The following VIRMA variants were observed in gnomAD, a reference collection of about 807,000 sequenced individuals.
VIRMA encodes the protein protein virilizer homolog.
In VIRMA, 65 loss-of-function variants were observed where a neutral mutation model predicts 182.4. That is an observed-to-expected ratio of 0.36 (90% CI 0.29 to 0.44). The LOEUF (loss-of-function observed/expected upper bound fraction) is 0.44. Ranked by LOEUF, VIRMA falls within the 20% of genes least tolerant of loss-of-function variation. The pLI is 1.00. For missense variants in VIRMA, 1,752 were observed against 2,158.1 expected (o/e 0.81, Z 3.73); for synonymous variants, 709 against 743.1 (o/e 0.95, Z 0.75).
At chr8:94,508,802 T>C (rs1369940126) in intron 15 of VIRMA, among the ~76,000 whole-genome samples, 2 of 151,926 alleles carry the variant, frequency 1.3e-5, no homozygotes, top group African/African-American at 2.4e-5. Flanking sequence ...GACTCTATTC[T>C]GCCTGAAAAA....
intron 9 of VIRMA, 50 bp from the exon 10 acceptor site, chr8:94,517,992 G>C: frequency 6.7e-7 from 1 of 1,483,642 alleles, no homozygotes; most frequent in Non-Finnish European, 9.2e-7. Flanking sequence ...CAATTTTTTA[G>C]GAACAATTTT....
chr8:94,543,092 G>A (rs1815620765), intron 2 of VIRMA, among the ~76,000 whole-genome samples: 1 of 151,942 alleles, frequency 6.6e-6, no homozygotes, highest in Admixed American at 6.6e-5. Flanking sequence ...ATTTTTAGTA[G>A]AGACGGGGTT....
chr8:94,507,053 C>T (rs1814176139), intron 15 of VIRMA, among the ~76,000 whole-genome samples: 1 of 151,172 alleles, frequency 6.6e-6, no homozygotes, highest in Non-Finnish European at 1.5e-5. Flanking sequence ...GTATTTTGTA[C>T]TAAAATAATT....
At chr8:94,500,636 G>C (rs918969385) in intron 16 of VIRMA, among the ~76,000 whole-genome samples, 4 of 149,148 alleles carry the variant, frequency 2.7e-5, no homozygotes, top group Non-Finnish European at 5.9e-5. Flanking sequence ...CTCTACTTTG[G>C]AAAACAGTTC....
Position 94,514,916 on chromosome 8 carries a change from TA to T in VIRMA, c.2703del (p.Arg902AspfsTer10). The T allele has an allele frequency of 6.3e-7, 1 of 1,590,630 alleles. No individual in the cohort carries two copies. The highest frequency in any genetic ancestry group is 1.2e-5 in the South Asian group (1 of 86,406). Reference protein sequence around the residue: ...LGKWLEPLKNLRFEINCIPNL... With the variant: ...LGKWLEPLKNXRFEINCIPNL... ...TTTGGGATGCAGTTAATTTCAAATCTAAGGTTTTTCAGAGGTTCAAGCCACT... is the reference window on the plus strand; with the variant it reads ...TTTGGGATGCAGTTAATTTCAAATCTAGGTTTTTCAGAGGTTCAAGCCACT... On this transcript the variant is annotated frameshift_variant, in exon 11 of 24. Transcript: ENST00000297591. LOFTEE classifies it high-confidence loss of function.
intron 22 of VIRMA, 95 bp downstream of exon 22, chr8:94,491,483 T>A: frequency 1.7e-6 from 2 of 1,189,400 alleles, no homozygotes; most frequent in South Asian, 3.0e-5. Context: ...ACAGGAAAAC[T>A]GTTTATCTGA....
At chr8:94,522,137 T>G (rs369411769) in intron 8 of VIRMA, among the ~76,000 whole-genome samples, 2 of 152,144 alleles carry the variant, frequency 1.3e-5, no homozygotes, top group African/African-American at 4.8e-5. Context: ...ATAAAAAAAT[T>G]TGCATGCCAA....
intron 2 of VIRMA, among the ~76,000 whole-genome samples, chr8:94,539,149 CT>C (rs1815453632): frequency 6.6e-6 from 1 of 151,830 alleles, no homozygotes; most frequent in African/African-American, 2.4e-5. Context: ...TCAAGTGATC[CT>C]CCCATGTCAG....
chr8:94,534,208 C>A (rs1815261539), intron 5 of VIRMA: 2 of 151,832 alleles, frequency 1.3e-5, no homozygotes, highest in African/African-American at 2.4e-5. Flanking sequence ...ATGTAGATAC[C>A]TAATAAATTT....
At chr8:94,493,257 T>C (rs921768045) in intron 20 of VIRMA, among the ~76,000 whole-genome samples, 1 of 152,202 alleles carries the variant, frequency 6.6e-6, no homozygotes, top group Non-Finnish European at 1.5e-5. Context: ...GAGGTTCCCA[T>C]CTAAGTTTAA....
At chr8:94,521,082 C>T (rs1814749178) in intron 8 of VIRMA, among the ~76,000 whole-genome samples, 1 of 151,382 alleles carries the variant, frequency 6.6e-6, no homozygotes, top group Non-Finnish European at 1.5e-5. Flanking sequence ...AGTACATGTG[C>T]AGAATGTGCA....
chr8:94,490,819 C>A (rs1563675658), intron 22 of VIRMA, among the ~76,000 whole-genome samples: 1 of 151,860 alleles, frequency 6.6e-6, no homozygotes. Flanking sequence ...TGCACTCCAG[C>A]CTGGGCAAGA....
intron 21 of VIRMA, 41 bp from the exon 22 acceptor site, chr8:94,491,950 G>T: frequency 3.5e-6 from 5 of 1,421,408 alleles, no homozygotes; most frequent in Non-Finnish European, 3.8e-6. Flanking sequence ...TTTTCTTTCA[G>T]GTTTCTAGCA....
chr8:94,534,892 G>A lies in VIRMA; in HGVS notation c.431C>T (p.Pro144Leu), dbSNP rs373999232. The change falls in exon 5 of 24, where the codon CCA (proline) becomes CTA (leucine). Residue 144 changes from proline to leucine, a missense_variant. Physicochemically the swap from Pro to Leu is moderately conservative, Grantham distance 98. This residue lies in a region of VIRMA where 195 missense variants were observed against 191.7 expected (regional missense o/e 1.02). Coordinates refer to ENST00000297591, the MANE Select transcript of VIRMA (RefSeq NM_015496.5). ...HDRDSPPPPP[P>L]PPPPPQPQPS... is the part of the protein sequence containing the mutation. Reference sequence around the variant, plus strand: ...TTGTGGCTGGGGAGGTGGTGGCGGTGGAGGTGGTGGTGGTGGAGAGTCTCT... The same window carrying A: ...TTGTGGCTGGGGAGGTGGTGGCGGTAGAGGTGGTGGTGGTGGAGAGTCTCT... The A allele has an allele frequency of 6.2e-7, 1 of 1,613,286 alleles. No homozygotes were observed. Among genetic ancestry groups the A allele is most frequent in the African/African-American group, 1.3e-5 (1 of 74,816 alleles).
chr8:94,495,797 A>G lies in VIRMA; in HGVS notation c.4478T>C (p.Leu1493Pro). 1.2e-6 allele frequency: 2 copies of G among 1,614,002 alleles called. No homozygotes were observed. Among genetic ancestry groups the G allele is most frequent in the African/African-American group, 2.7e-5 (2 of 75,060 alleles). The part of the protein sequence containing the change: ...MLESSGDPLP[L>P]SDQDVEPVLS... The stretch of plus-strand genomic sequence containing the variant: ...TACTGGTTCTACATCCTGGTCACTG[A>G]GAGGTAAAGGGTCACCTGATGACTC... Residue 1493 changes from leucine to proline, a missense_variant, in exon 19 of 24, where the codon CTC (leucine) becomes CCC (proline). Leu to Pro is a moderately conservative substitution (Grantham distance 98). Transcript: ENST00000297591.
At chr8:94,535,077 C>G in intron 4 of VIRMA, 70 bp from the exon 5 acceptor site, 1 of 1,510,760 alleles carries the variant, frequency 6.6e-7, no homozygotes, top group Non-Finnish European at 8.8e-7. Flanking sequence ...TAGCTGATAC[C>G]AAATTAGATT....
At chr8:94,501,271 A>AAAAAAAC (rs1563458495) in intron 16 of VIRMA, among the ~76,000 whole-genome samples, 2 of 148,884 alleles carry the variant, frequency 1.3e-5, no homozygotes, top group Non-Finnish European at 3.0e-5. Context: ...AAAAAAAAAA[A>AAAAAAAC]AAAAAACAAC....
chr8:94,514,969 T>C lies in VIRMA; in HGVS notation c.2669-18A>G. The C allele has an allele frequency of 7.9e-7, 1 of 1,258,910 alleles. No individual in the cohort carries two copies. The highest frequency in any genetic ancestry group is 2.6e-5 in the East Asian group (1 of 39,052). 78.0% of individuals were successfully genotyped at this position (1,258,910 alleles called of 1,614,324 possible). A position where few individuals can be genotyped will look rare whatever the true frequency, so the allele number is the denominator to read the frequency against. On this transcript the variant is annotated intron_variant, in intron 10 of 23. Transcript: ENST00000297591. ...GCCAAGTTCTTAAAAAGAAAAATAA[T>C]TTATAATATTTAAAAATAGAAGGCT...
intron 16 of VIRMA, among the ~76,000 whole-genome samples, chr8:94,502,398 A>C (rs1043538356): frequency 6.6e-6 from 1 of 151,794 alleles, no homozygotes; most frequent in South Asian, 2.1e-4. Context: ...TTTCTCAAAA[A>C]CATATATATA....
Sources: allele counts gnomAD v4.1 joint callset (sites outside exome capture counted in the v4.1 genomes callset), GRCh38; gene constraint gnomAD v4.1.1; regional missense constraint gnomAD v4.1.1; transcripts MANE v1.5; gene names NCBI Gene and HGNC (gene_info 2026-07-23, HGNC 2026-07-21).